Variants in ROBO2 observed in about 807,000 individuals in gnomAD.
ROBO2 encodes the protein roundabout guidance receptor 2.
Under a neutral mutation model 160.8 loss-of-function variants are expected in ROBO2, and 53 were observed. That is an observed-to-expected ratio of 0.33 (90% confidence interval 0.26 to 0.41). ROBO2 has a LOEUF of 0.41. ROBO2 is among the 10% of genes least tolerant of loss of function. The pLI is 1.00. For synonymous variants in ROBO2, 664 were observed against 611.7 expected, an observed-to-expected ratio of 1.09 and a Z score of -1.26; for missense variants, 1,577 against 1,722.4, an observed-to-expected ratio of 0.92 and a Z score of 1.49.
intron 2 of ROBO2, among the ~76,000 whole-genome samples, chr3:77,347,412 T>A (rs1286946234): frequency 6.6e-6 from 1 of 152,054 alleles, no homozygotes; most frequent in Non-Finnish European, 1.5e-5. Flanking sequence ...TGTAGCAATT[T>A]TCCCTCTTTC....
chr3:77,580,467 C>T (rs575027386), intron 16 of ROBO2, among the ~76,000 whole-genome samples: 84 of 152,236 alleles, frequency 5.5e-4, no homozygotes, highest in African/African-American at 1.9e-3. Context: ...TGTTTCAAAT[C>T]TGTATGCTTC....
chr3:76,169,312 A>G (rs190018740), intron 2 of ROBO2, among the ~76,000 whole-genome samples: 15 of 152,300 alleles, frequency 9.8e-5, no homozygotes, highest in Admixed American at 9.2e-4. Context: ...AACACAAGCT[A>G]TGAAAATTGG....
chr3:76,791,039 T>C (rs893272419), intron 2 of ROBO2, among the ~76,000 whole-genome samples: 7 of 151,828 alleles, frequency 4.6e-5, no homozygotes, highest in Admixed American at 1.3e-4. Context: ...TCTCTTCTGT[T>C]GCCATCATCA....
At chr3:77,470,989 G>A (rs1461422012) in intron 2 of ROBO2, among the ~76,000 whole-genome samples, 1 of 152,128 alleles carries the variant, frequency 6.6e-6, no homozygotes, top group African/African-American at 2.4e-5. Context: ...TTATTTCTTA[G>A]ATTATCTTTC....
In ROBO2 at chr3:77,565,185, G is replaced by A. The variant is rs1262631305; in HGVS notation, c.1849+65G>A. ...AAACATCAGATATTTAAGAACGAGGGGCTTGATGAGGAAATATACATGTGC... is the reference window on the plus strand; with the variant it reads ...AAACATCAGATATTTAAGAACGAGGAGCTTGATGAGGAAATATACATGTGC... On this transcript the variant is annotated intron_variant, in intron 12 of 25. Transcript: ENST00000461745. The A allele has an allele frequency of 1.2e-5, 19 of 1,545,912 alleles. No individual in the cohort carries two copies. The East Asian group carries it at 4.3e-4, about 35-fold the overall frequency.
chr3:77,289,228 C>A (rs894701253), intron 2 of ROBO2, among the ~76,000 whole-genome samples: 9 of 152,042 alleles, frequency 5.9e-5, no homozygotes, highest in Non-Finnish European at 8.8e-5. Context: ...CAGTTTTTAG[C>A]CAGATTGTAA....
intron 2 of ROBO2, among the ~76,000 whole-genome samples, chr3:77,312,485 G>T (rs913376363): frequency 2.0e-5 from 3 of 152,186 alleles, no homozygotes; most frequent in African/African-American, 7.2e-5. Context: ...GTGAATGAGG[G>T]TGTTTTAATT....
At chr3:77,161,159 C>A (rs959248476) in intron 2 of ROBO2, among the ~76,000 whole-genome samples, 43 of 152,228 alleles carry the variant, frequency 2.8e-4, no homozygotes, top group Admixed American at 5.9e-4. Flanking sequence ...GCATCTGGGT[C>A]CCAGGAGGTT....
chr3:77,183,093 T>C (rs2150866643), intron 2 of ROBO2, among the ~76,000 whole-genome samples: 1 of 152,224 alleles, frequency 6.6e-6, no homozygotes, highest in East Asian at 1.9e-4. Context: ...AATTCACTGA[T>C]GCTGGCTCCT....
At chr3:76,101,013 A>G (rs2069660543) in intron 2 of ROBO2, among the ~76,000 whole-genome samples, 1 of 152,126 alleles carries the variant, frequency 6.6e-6, no homozygotes, top group South Asian at 2.1e-4. Flanking sequence ...TTAATTGTAA[A>G]GAGTGCTGTG....
chr3:77,543,961 C>T (rs2092591515), intron 6 of ROBO2, among the ~76,000 whole-genome samples: 1 of 152,066 alleles, frequency 6.6e-6, no homozygotes, highest in Admixed American at 6.6e-5. Flanking sequence ...CTAAATTATT[C>T]AACACTCCTC....
At chr3:76,666,940 C>CTA (rs1187807958) in intron 2 of ROBO2, among the ~76,000 whole-genome samples, 2 of 144,806 alleles carry the variant, frequency 1.4e-5, no homozygotes. Context: ...ATTTCTATGT[C>CTA]TATATATATA....
At chr3:77,316,767 C>T (rs2064036044) in intron 2 of ROBO2, 1 of 1,206,904 alleles carries the variant, frequency 8.3e-7, no homozygotes, top group African/African-American at 1.5e-5. Flanking sequence ...CTTGAAATTT[C>T]AGTCCTAGAC....
chr3:76,494,313 A>G (rs1179356593), intron 2 of ROBO2, among the ~76,000 whole-genome samples: 1 of 152,248 alleles, frequency 6.6e-6, no homozygotes, highest in Non-Finnish European at 1.5e-5. Context: ...ACGACAGATT[A>G]AGAGGAGAAA....
chr3:77,434,348 T>C (rs2079079639), intron 2 of ROBO2, among the ~76,000 whole-genome samples: 1 of 152,062 alleles, frequency 6.6e-6, no homozygotes, highest in Non-Finnish European at 1.5e-5. Context: ...TATTCACAAC[T>C]GTAATTAAGT....
chr3:77,033,088 T>C (rs537022664), intron 2 of ROBO2, among the ~76,000 whole-genome samples: 1 of 152,290 alleles, frequency 6.6e-6, no homozygotes, highest in Non-Finnish European at 1.5e-5. Context: ...ACCTTGTGAG[T>C]AGGCACTATT....
intron 2 of ROBO2, among the ~76,000 whole-genome samples, chr3:76,309,701 C>T (rs770941313): frequency 1.3e-5 from 2 of 152,124 alleles, no homozygotes; most frequent in African/African-American, 2.4e-5. Context: ...TTGTGTCTCA[C>T]TGATTAAGGA....
At chr3:77,077,294 G>T (rs189531910) in intron 1 of ROBO2, among the ~76,000 whole-genome samples, 13 of 152,182 alleles carry the variant, frequency 8.5e-5, no homozygotes, top group African/African-American at 3.1e-4. Context: ...AATTATAGCC[G>T]TATTAATAAT....
At chr3:76,482,736 A>G (rs1402283998) in intron 2 of ROBO2, among the ~76,000 whole-genome samples, 1 of 152,110 alleles carries the variant, frequency 6.6e-6, no homozygotes, top group Non-Finnish European at 1.5e-5. Flanking sequence ...TCACTGATCT[A>G]TTATCCAAGG....
Sources: allele counts gnomAD v4.1 joint callset (sites outside exome capture counted in the v4.1 genomes callset), GRCh38; gene constraint gnomAD v4.1.1; transcripts MANE v1.5; gene names NCBI Gene and HGNC (gene_info 2026-07-23, HGNC 2026-07-21).